CARMIL1: variants seen among roughly 807,000 people sequenced by gnomAD.
CARMIL1 encodes capping protein regulator and myosin 1 linker 1, also known as F-actin-uncapping protein LRRC16A.
A neutral mutation model predicts 177.1 loss-of-function variants in CARMIL1; 90 were observed. That is an observed-to-expected ratio of 0.51 (90% CI 0.43 to 0.61). The LOEUF is 0.61. CARMIL1 is among the 20% of genes least tolerant of loss of function. The probability of loss-of-function intolerance (pLI) is 0.00; values close to 1 mark genes in which losing one functional copy is unlikely to be tolerated. For synonymous variants in CARMIL1, 577 were observed against 606.2 expected, an observed-to-expected ratio of 0.95 and a Z score of 0.71; for missense variants, 1,380 against 1,667.0, an observed-to-expected ratio of 0.83 and a Z score of 3.00.
intron 23 of CARMIL1, among the ~76,000 whole-genome samples, chr6:25,523,225 C>T (rs749952655): frequency 4.6e-5 from 7 of 152,110 alleles, no homozygotes; most frequent in Non-Finnish European, 1.0e-4. Context: ...AAATTAAACT[C>T]GTCCCATAAC....
chr6:25,361,364 A>C (rs1789171466), intron 2 of CARMIL1, among the ~76,000 whole-genome samples: 1 of 152,022 alleles, frequency 6.6e-6, no homozygotes, highest in African/African-American at 2.4e-5. Flanking sequence ...TTCTAGGGGA[A>C]AGTCTTTACC....
At chr6:25,514,013 A>G (rs1318188423) in intron 20 of CARMIL1, among the ~76,000 whole-genome samples, 1 of 152,252 alleles carries the variant, frequency 6.6e-6, no homozygotes, top group Non-Finnish European at 1.5e-5. Flanking sequence ...GTTATGGCTT[A>G]AATCAAGGAA....
At chr6:25,590,186 G>A (rs1582459188) in intron 31 of CARMIL1, among the ~76,000 whole-genome samples, 1 of 152,182 alleles carries the variant, frequency 6.6e-6, no homozygotes, top group Non-Finnish European at 1.5e-5. Context: ...TCAGTTAAGA[G>A]ACTTTTCTTC....
At chr6:25,373,549 C>G in intron 2 of CARMIL1, among the ~76,000 whole-genome samples, 1 of 149,698 alleles carries the variant, frequency 6.7e-6, no homozygotes, top group African/African-American at 2.5e-5. Flanking sequence ...TTTTGTATTT[C>G]TTTTGGTTAT....
intron 8 of CARMIL1, among the ~76,000 whole-genome samples, chr6:25,454,447 C>T (rs1037567301): frequency 1.3e-5 from 2 of 152,108 alleles, no homozygotes; most frequent in Non-Finnish European, 2.9e-5. Flanking sequence ...GATACCTGCT[C>T]TAGATCAGCC....
intron 22 of CARMIL1, among the ~76,000 whole-genome samples, chr6:25,518,213 C>G (rs1806200872): frequency 1.3e-5 from 2 of 152,206 alleles, no homozygotes. Context: ...CCAGGAGGGC[C>G]TCTCATGCCT....
At chr6:25,600,767 AATTC>A (rs1187047666) in intron 33 of CARMIL1, 21 bp downstream of exon 33, 3 of 1,454,984 alleles carry the variant, frequency 2.1e-6, no homozygotes, top group Non-Finnish European at 2.7e-6. Context: ...ACCTATTTTT[AATTC>A]ATTCATTTAT....
At chr6:25,520,431 A>G (rs1806433435) in intron 23 of CARMIL1, 94 bp downstream of exon 23, 1 of 725,692 alleles carries the variant, frequency 1.4e-6, no homozygotes, top group Non-Finnish European at 2.2e-6. Flanking sequence ...TATTTTACGA[A>G]GTTTTTTTAA....
chr6:25,330,888 G>GTTTT, intron 2 of CARMIL1, among the ~76,000 whole-genome samples: 1 of 118,224 alleles, frequency 8.5e-6, no homozygotes, highest in Non-Finnish European at 1.7e-5. Context: ...TTTTCAAGAG[G>GTTTT]TTTTTTTTTT....
intron 2 of CARMIL1, among the ~76,000 whole-genome samples, chr6:25,392,772 G>A (rs939050728): frequency 1.8e-4 from 27 of 152,108 alleles, no homozygotes; most frequent in African/African-American, 6.5e-4. Context: ...GTAGTTGTCT[G>A]TAATAAATGT....
chr6:25,593,671 G>A (rs1184907206), intron 31 of CARMIL1, among the ~76,000 whole-genome samples: 1 of 152,174 alleles, frequency 6.6e-6, no homozygotes, highest in Non-Finnish European at 1.5e-5. Flanking sequence ...CCAGCGTGCA[G>A]CCTTTTATCC....
At position 25,530,223 on chromosome 6, in the gene CARMIL1, A is replaced by G. The variant is rs111915627; in HGVS notation, c.2067+1330A>G. ...AAAAAAATCTTAAAGCGTTCCAGAA[A>G]GAAAAGAGTTCCAGGCCAGACACTG... On this transcript the variant is annotated intron_variant, in intron 24 of 36. Transcript: ENST00000329474. Among the ~76,000 whole-genome samples the G allele has an allele frequency of 6.5e-3, 995 of 152,284 alleles. 10 individuals carry two copies. Among genetic ancestry groups the G allele is most frequent in the African/African-American group, 0.022 (899 of 41,556 alleles).
chr6:25,391,205 A>G (rs1032874879), intron 2 of CARMIL1, among the ~76,000 whole-genome samples: 7 of 152,380 alleles, frequency 4.6e-5, no homozygotes, highest in African/African-American at 1.7e-4. Flanking sequence ...TATTTCACTA[A>G]TAATCCACTA....
At chr6:25,569,505 G>T (rs554330455) in intron 29 of CARMIL1, among the ~76,000 whole-genome samples, 3 of 152,274 alleles carry the variant, frequency 2.0e-5, no homozygotes, top group South Asian at 4.2e-4. Flanking sequence ...TAAGTCACCA[G>T]GCCCCAAAAT....
intron 2 of CARMIL1, among the ~76,000 whole-genome samples, chr6:25,375,691 C>A (rs1266072813): frequency 6.6e-6 from 1 of 152,000 alleles, no homozygotes; most frequent in Non-Finnish European, 1.5e-5. Flanking sequence ...TCTTTTAATT[C>A]TTCTTTATTT....
chr6:25,415,567 AT>A (rs1175757702), intron 2 of CARMIL1, among the ~76,000 whole-genome samples: 2 of 150,470 alleles, frequency 1.3e-5, no homozygotes, highest in East Asian at 4.0e-4. Flanking sequence ...TGTGTTAGTG[AT>A]TGCTGTTGTA....
chr6:25,572,702 CAAAAAAAAAAAAAA>C (rs35085655), intron 29 of CARMIL1, among the ~76,000 whole-genome samples: 6 of 53,170 alleles, frequency 1.1e-4, no homozygotes, highest in Admixed American at 4.8e-4. Flanking sequence ...GACCTTGTCT[CAAAAAAAAAAAAAA>C]AAAAAAAAAA....
rs1810461259 is a variant in CARMIL1 at position 25,554,870 on chromosome 6, T to C, written c.2592+774T>C. 6.6e-6 allele frequency among the ~76,000 whole-genome samples: 1 copy of C among 152,238 alleles called. No individual in the cohort carries two copies. The highest frequency in any genetic ancestry group is 2.1e-4 in the South Asian group (1 of 4,830). On this transcript the variant is annotated intron_variant, in intron 28 of 36. Transcript: ENST00000329474. This position sits in a 1 kb window ranked among gnomAD's most constrained non-coding sequence, Gnocchi z 4.6. ...TACCAGTTTTATGGCATTGAATTGTTGGGTGACCCTAGAGAATCCTAAAAT... is the reference window on the plus strand; with the variant it reads ...TACCAGTTTTATGGCATTGAATTGTCGGGTGACCCTAGAGAATCCTAAAAT...
chr6:25,588,101 AT>A (rs1402428939), intron 31 of CARMIL1, among the ~76,000 whole-genome samples: 1 of 152,252 alleles, frequency 6.6e-6, no homozygotes, highest in East Asian at 1.9e-4. Flanking sequence ...TCTAGAGATT[AT>A]TTAAAGCACA....
Sources: gnomAD v4.1 joint callset for allele counts (sites outside exome capture counted in the v4.1 genomes callset) on GRCh38, gnomAD v4.1.1 for gene constraint, Gnocchi (gnomAD v3.1) non-coding constraint, MANE v1.5 for transcripts, NCBI Gene and HGNC (gene_info 2026-07-23, HGNC 2026-07-21) for gene names.